The following EXT2 variants were observed in gnomAD, a reference collection of about 807,000 sequenced individuals.
EXT2 encodes exostosin glycosyltransferase 2.
In EXT2, 53 loss-of-function variants were observed where a neutral mutation model predicts 81.6. The ratio of observed to expected loss-of-function variants is 0.65; its 90% CI spans 0.52 to 0.82. The LOEUF (loss-of-function observed/expected upper bound fraction) is 0.82. EXT2 is among the 40% of genes least tolerant of loss of function. The probability of loss-of-function intolerance (pLI) is 0.00; values close to 1 mark genes in which losing one functional copy is unlikely to be tolerated. For missense variants in EXT2, 774 were observed against 910.2 expected, an observed-to-expected ratio of 0.85 and a Z score of 1.93; for synonymous variants, 320 against 340.0, an observed-to-expected ratio of 0.94 and a Z score of 0.65.
At chr11:44,172,486 A>G (rs932923178) in intron 8 of EXT2, among the ~76,000 whole-genome samples, 3 of 152,130 alleles carry the variant, frequency 2.0e-5, no homozygotes, top group African/African-American at 7.2e-5. Context: ...ACGTCAAGGC[A>G]TTCCTGTAAG....
chr11:44,169,273 G>A (rs113430712), intron 7 of EXT2, among the ~76,000 whole-genome samples: 9 of 151,828 alleles, frequency 5.9e-5, no homozygotes, highest in African/African-American at 1.9e-4. Context: ...AACATGTCTT[G>A]TGGGATTTAA....
Position 44,246,049 on chromosome 11 carries a change from G to A in EXT2, c.*1762G>A, listed in dbSNP as rs1956090805. Among the ~76,000 whole-genome samples the A allele has an allele frequency of 6.6e-6, 1 of 152,210 alleles. No individual in the cohort carries two copies. The highest frequency in any genetic ancestry group is 2.1e-4 in the South Asian group (1 of 4,830). ...ACTGGTCAGTAGGAGACATGGGAAA[G>A]CATTTTGGTCTCATGTATTCATAAT... On this transcript the variant is annotated 3_prime_UTR_variant, in exon 14 of 14. Coordinates refer to ENST00000533608, the MANE Select transcript of EXT2 (RefSeq NM_207122.2).
chr11:44,161,241 A>T (rs1430765865), intron 7 of EXT2, among the ~76,000 whole-genome samples: 1 of 152,212 alleles, frequency 6.6e-6, no homozygotes, highest in Admixed American at 6.5e-5. Flanking sequence ...CTGTGAACTT[A>T]TTACTGAGGA....
chr11:44,231,603 T>C (rs1955899540), intron 10 of EXT2, among the ~76,000 whole-genome samples: 1 of 152,176 alleles, frequency 6.6e-6, no homozygotes, highest in Non-Finnish European at 1.5e-5. Context: ...TGGTGATGGT[T>C]GAGGAACTAG....
intron 3 of EXT2, among the ~76,000 whole-genome samples, chr11:44,111,733 C>G (rs750893846): frequency 2.6e-5 from 4 of 152,130 alleles, no homozygotes; most frequent in Non-Finnish European, 5.9e-5. Flanking sequence ...TATCTTGAGG[C>G]CCGTCTTGTT....
chr11:44,178,333 G>A (rs532456528), intron 8 of EXT2, among the ~76,000 whole-genome samples: 1 of 152,238 alleles, frequency 6.6e-6, no homozygotes, highest in African/African-American at 2.4e-5. Flanking sequence ...TTTTGATGTG[G>A]GATTTCATTC....
intron 7 of EXT2, among the ~76,000 whole-genome samples, chr11:44,148,422 C>G (rs936485059): frequency 2.0e-5 from 3 of 152,136 alleles, no homozygotes; most frequent in African/African-American, 7.2e-5. Context: ...CTTTATGGAG[C>G]ATTAGGAGTC....
chr11:44,104,504 C>G (rs1420680221), intron 1 of EXT2: 1 of 152,172 alleles, frequency 6.6e-6, no homozygotes, highest in Non-Finnish European at 1.5e-5. Flanking sequence ...ACTTGAGGAG[C>G]TTGTTTTTAA....
At chr11:44,224,148 A>T (rs1170340342) in intron 10 of EXT2, among the ~76,000 whole-genome samples, 1 of 152,168 alleles carries the variant, frequency 6.6e-6, no homozygotes, top group Non-Finnish European at 1.5e-5. Context: ...TAATTATCTC[A>T]AACTAAAATG....
At chr11:44,096,306 G>C (rs2134933075) in intron 1 of EXT2, 1 of 1,536,000 alleles carries the variant, frequency 6.5e-7, no homozygotes, top group Non-Finnish European at 8.7e-7. Context: ...TGCGGTGCCA[G>C]AAGCCGTGGG....
At chr11:44,198,959 G>C (rs1955491036) in intron 9 of EXT2, among the ~76,000 whole-genome samples, 2 of 152,214 alleles carry the variant, frequency 1.3e-5, no homozygotes. Context: ...AATTTGCCTT[G>C]AGAAAATTCT....
chr11:44,099,091 T>C (rs1009007970), intron 1 of EXT2, among the ~76,000 whole-genome samples: 5 of 152,070 alleles, frequency 3.3e-5, no homozygotes, highest in African/African-American at 1.2e-4. Context: ...AGCCTCAACC[T>C]CCCGGGTTCA....
In EXT2 at chr11:44,206,907, T is replaced by C. The variant is rs766600182; in HGVS notation, c.1610T>C (p.Ile537Thr). ...ATCGAGACAGAAGCTGTTCTGGCCA[T>C]TGATGATGATATCATTATGCTGACC... ...DEIETEAVLAIDDDIIMLTSD... is the reference protein window; with the variant it reads ...DEIETEAVLATDDDIIMLTSD... The change falls in exon 10 of 14, where the codon ATT (isoleucine) becomes ACT (threonine). Residue 537 changes from isoleucine (I) to threonine (T), a missense_variant. Ile to Thr is a moderately conservative substitution (Grantham distance 89). Around this residue, in one of 2 missense-constraint regions of EXT2, gnomAD observed 148 missense variants for 239.7 expected, o/e 0.62. Coordinates refer to ENST00000533608, the MANE Select transcript of EXT2 (RefSeq NM_207122.2). The C allele has an allele frequency of 1.9e-6, 3 of 1,614,174 alleles. No homozygotes were observed. In the Admixed American group the frequency reaches 5.0e-5, roughly 27 times the overall value.
chr11:44,222,354 G>T (rs945722597), intron 10 of EXT2, among the ~76,000 whole-genome samples: 5 of 152,156 alleles, frequency 3.3e-5, no homozygotes, highest in Non-Finnish European at 7.4e-5. Context: ...TGCAAGAATT[G>T]TATCTGCCTT....
At chr11:44,194,184 G>A (rs1217425455) in intron 8 of EXT2, among the ~76,000 whole-genome samples, 1 of 152,162 alleles carries the variant, frequency 6.6e-6, no homozygotes, top group Non-Finnish European at 1.5e-5. Flanking sequence ...CCAAAGAACA[G>A]ACCTCATTCT....
chr11:44,138,084 A>T (rs543909509), intron 7 of EXT2, among the ~76,000 whole-genome samples: 3 of 152,302 alleles, frequency 2.0e-5, no homozygotes, highest in Non-Finnish European at 4.4e-5. Context: ...CAGGGCACTG[A>T]CTTCCACCAG....
chr11:44,196,081 C>T lies in EXT2; in HGVS notation c.1306-1748C>T, dbSNP rs1195723470. ...TGCAAAAATATTTTTGCTTACATTGCTGTATTAAAAGTACTTAATATTTTA... is the reference window on the plus strand; with the variant it reads ...TGCAAAAATATTTTTGCTTACATTGTTGTATTAAAAGTACTTAATATTTTA... On this transcript the variant is annotated intron_variant, in intron 8 of 13. Coordinates refer to ENST00000533608, the MANE Select transcript of EXT2 (RefSeq NM_207122.2). 1.1e-4 allele frequency among the ~76,000 whole-genome samples: 16 copies of T among 152,182 alleles called. No individual in the cohort carries two copies. In the East Asian group the frequency reaches 2.3e-3, roughly 22 times the overall value.
intron 7 of EXT2, among the ~76,000 whole-genome samples, chr11:44,155,186 C>T (rs1954841161): frequency 6.6e-6 from 1 of 152,114 alleles, no homozygotes; most frequent in African/African-American, 2.4e-5. Context: ...GACCAATGTC[C>T]TGGACAGTTT....
intron 8 of EXT2, among the ~76,000 whole-genome samples, chr11:44,192,397 G>A (rs1289640895): frequency 6.6e-6 from 1 of 152,020 alleles, no homozygotes; most frequent in African/African-American, 2.4e-5. Context: ...TAGGTTATGT[G>A]TGTTTTGAGA....
Sources: allele counts gnomAD v4.1 joint callset (sites outside exome capture counted in the v4.1 genomes callset), GRCh38; gene constraint gnomAD v4.1.1; regional missense constraint gnomAD v4.1.1; transcripts MANE v1.5; gene names NCBI Gene and HGNC (gene_info 2026-07-23, HGNC 2026-07-21).